CDH18: variants seen among roughly 807,000 people sequenced by gnomAD.
CDH18 encodes cadherin-18.
Under a neutral mutation model 67.9 loss-of-function variants are expected in CDH18, and 31 were observed. The observed-to-expected ratio is 0.46, with a 90% CI of 0.34 to 0.62. The LOEUF (loss-of-function observed/expected upper bound fraction) is 0.62, where lower values mean the gene tolerates loss of function less well. CDH18 is among the 20% of genes least tolerant of loss of function. CDH18 has a pLI of 0.01. For synonymous variants in CDH18, 362 were observed against 347.2 expected (o/e 1.04, Z -0.48); for missense variants, 890 against 975.5 (o/e 0.91, Z 1.17).
At chr5:20,121,168 G>A (rs555433729) in intron 2 of CDH18, among the ~76,000 whole-genome samples, 5 of 152,260 alleles carry the variant, frequency 3.3e-5, no homozygotes, top group South Asian at 4.1e-4. Context: ...GAAGCATCAT[G>A]TATTTGCTGA....
intron 1 of CDH18, among the ~76,000 whole-genome samples, chr5:20,392,988 T>TCTATCATG: frequency 6.6e-6 from 1 of 152,018 alleles, no homozygotes; most frequent in Non-Finnish European, 1.5e-5. Flanking sequence ...GTATGATATT[T>TCTATCATG]AGTATTTCTA....
chr5:20,155,240 A>C (rs541985728), intron 2 of CDH18, among the ~76,000 whole-genome samples: 2 of 152,260 alleles, frequency 1.3e-5, no homozygotes, highest in African/African-American at 2.4e-5. Context: ...TGCATAATAA[A>C]AGTTATGAAA....
At chr5:20,552,790 G>C (rs1757705027) in intron 1 of CDH18, among the ~76,000 whole-genome samples, 1 of 150,712 alleles carries the variant, frequency 6.6e-6, no homozygotes, top group Non-Finnish European at 1.5e-5. Context: ...GTCTTGCTCT[G>C]TTGCCCAGGC....
At chr5:19,577,774 A>T (rs551715949) in intron 7 of CDH18, among the ~76,000 whole-genome samples, 2 of 152,372 alleles carry the variant, frequency 1.3e-5, no homozygotes, top group Admixed American at 1.3e-4. Flanking sequence ...GAGACAGGCT[A>T]TAGAGGCCTG....
intron 5 of CDH18, among the ~76,000 whole-genome samples, chr5:19,663,703 A>T (rs1044170743): frequency 6.6e-6 from 1 of 151,942 alleles, no homozygotes; most frequent in African/African-American, 2.4e-5. Context: ...TCCTGCACAC[A>T]CTACTTAACT....
intron 1 of CDH18, among the ~76,000 whole-genome samples, chr5:20,533,589 A>G (rs1756541935): frequency 6.6e-6 from 1 of 152,120 alleles, no homozygotes; most frequent in Admixed American, 6.6e-5. Context: ...CATTGAAGCA[A>G]AGTTCAAATA....
At chr5:20,496,738 G>A (rs1382791598) in intron 1 of CDH18, among the ~76,000 whole-genome samples, 1 of 152,048 alleles carries the variant, frequency 6.6e-6, no homozygotes, top group Non-Finnish European at 1.5e-5. Context: ...TTTCATAAAG[G>A]ATAATTAGTA....
At chr5:20,487,999 C>G (rs974351087) in intron 1 of CDH18, among the ~76,000 whole-genome samples, 7 of 152,036 alleles carry the variant, frequency 4.6e-5, no homozygotes, top group African/African-American at 1.7e-4. Context: ...TAGCGATGGC[C>G]CATCTCTCAG....
At chr5:20,366,532 G>T (rs1039472289) in intron 1 of CDH18, among the ~76,000 whole-genome samples, 1 of 152,178 alleles carries the variant, frequency 6.6e-6, no homozygotes. Flanking sequence ...AGCCACCATG[G>T]TGGAGAAGCT....
At chr5:19,961,504 C>A (rs1450482108) in intron 2 of CDH18, among the ~76,000 whole-genome samples, 1 of 152,032 alleles carries the variant, frequency 6.6e-6, no homozygotes, top group East Asian at 1.9e-4. Context: ...TGTTATTGGT[C>A]AATATCAGTT....
At chr5:19,703,257 C>T (rs1375296643) in intron 5 of CDH18, among the ~76,000 whole-genome samples, 1 of 152,108 alleles carries the variant, frequency 6.6e-6, no homozygotes, top group Admixed American at 6.6e-5. Context: ...GGTTGGAGAA[C>T]ATGGAACTAA....
At chr5:20,072,688 A>T (rs1743584841) in intron 2 of CDH18, among the ~76,000 whole-genome samples, 1 of 152,068 alleles carries the variant, frequency 6.6e-6, no homozygotes, top group Non-Finnish European at 1.5e-5. Context: ...GTCACTCCAG[A>T]TAATTTTTAG....
intron 1 of CDH18, among the ~76,000 whole-genome samples, chr5:20,571,049 C>T (rs1330419828): frequency 2.6e-5 from 4 of 152,114 alleles, no homozygotes; most frequent in Non-Finnish European, 5.9e-5. Context: ...TGTTTCCTTA[C>T]AAAGCCTGAT....
chr5:19,623,348 C>T (rs1318118025), intron 5 of CDH18, among the ~76,000 whole-genome samples: 1 of 152,084 alleles, frequency 6.6e-6, no homozygotes, highest in African/African-American at 2.4e-5. Flanking sequence ...TTGAGATTAT[C>T]TATGCTATTT....
intron 2 of CDH18, among the ~76,000 whole-genome samples, chr5:19,891,759 C>T (rs975017554): frequency 1.3e-5 from 2 of 152,168 alleles, no homozygotes; most frequent in Admixed American, 6.6e-5. Context: ...TGATACAAAC[C>T]TCCAGCCTGG....
At chr5:19,893,181 A>G (rs1275465636) in intron 2 of CDH18, among the ~76,000 whole-genome samples, 9 of 152,156 alleles carry the variant, frequency 5.9e-5, no homozygotes, top group Non-Finnish European at 2.9e-5. Context: ...AGTTATGGAT[A>G]TCCCAGCTTC....
intron 7 of CDH18, among the ~76,000 whole-genome samples, chr5:19,577,007 A>G (rs1351280962): frequency 6.6e-6 from 1 of 152,198 alleles, no homozygotes; most frequent in Non-Finnish European, 1.5e-5. Flanking sequence ...GACAAATACC[A>G]TATGATCTTA....
chr5:20,069,393 CT>C (rs1325149278), intron 2 of CDH18, among the ~76,000 whole-genome samples: 3 of 130,092 alleles, frequency 2.3e-5, no homozygotes, highest in East Asian at 2.1e-4. Context: ...GCATTGCCCT[CT>C]TTTTTTTATT....
intron 1 of CDH18, among the ~76,000 whole-genome samples, chr5:20,308,166 C>A (rs77852651): frequency 7.0e-6 from 1 of 142,028 alleles, no homozygotes; most frequent in Non-Finnish European, 1.5e-5. Flanking sequence ...TAAATTGCAA[C>A]GGGTGGAAAG....
Sources: gnomAD v4.1 joint callset for allele counts (sites outside exome capture counted in the v4.1 genomes callset) on GRCh38, gnomAD v4.1.1 for gene constraint, MANE v1.5 for transcripts, NCBI Gene and HGNC (gene_info 2026-07-23, HGNC 2026-07-21) for gene names.